UNC5B: variants seen among roughly 807,000 people sequenced by gnomAD.
The protein encoded by UNC5B is unc-5 netrin receptor B.
A neutral mutation model predicts 103.7 loss-of-function variants in UNC5B; 56 were observed. The ratio of observed to expected loss-of-function variants is 0.54; its 90% CI spans 0.44 to 0.67. The LOEUF is 0.67. Ranked by LOEUF, UNC5B falls within the 30% of genes least tolerant of loss-of-function variation. The pLI, the probability that UNC5B is intolerant of heterozygous loss-of-function variation, is 0.00. For synonymous variants in UNC5B, 577 were observed against 542.0 expected, an observed-to-expected ratio of 1.06 and a Z score of -0.90; for missense variants, 1,194 against 1,284.5, an observed-to-expected ratio of 0.93 and a Z score of 1.08.
Position 71,251,342 on chromosome 10 carries a change from G to A in UNC5B, c.80-28479G>A, listed in dbSNP as rs574123342. Among the ~76,000 whole-genome samples, 8 of 152,186 alleles carry A rather than the reference G, an allele frequency of 5.3e-5. No individual in the cohort carries two copies. In the South Asian group the frequency reaches 6.2e-4, roughly 12 times the overall value. Reference sequence around the variant, plus strand: ...CTGTAGTCTTTGTATGTCTTCATGCGGTTTTTAAACTTTTAAACTTTCACC... The same window carrying A: ...CTGTAGTCTTTGTATGTCTTCATGCAGTTTTTAAACTTTTAAACTTTCACC... On this transcript the variant is annotated intron_variant, in intron 1 of 16. Transcript: ENST00000335350.
intron 1 of UNC5B, among the ~76,000 whole-genome samples, chr10:71,272,761 C>T (rs904944340): frequency 9.2e-5 from 14 of 152,178 alleles, no homozygotes; most frequent in African/African-American, 2.7e-4. Flanking sequence ...GTCTGGTCTA[C>T]GTGGGCTCAG....
At chr10:71,216,593 G>T (rs1843333964) in intron 1 of UNC5B, among the ~76,000 whole-genome samples, 2 of 152,160 alleles carry the variant, frequency 1.3e-5, no homozygotes, top group South Asian at 4.1e-4. Flanking sequence ...CCCATTTGTA[G>T]AGTTGGGGAC....
intron 1 of UNC5B, among the ~76,000 whole-genome samples, chr10:71,231,646 G>GTCT: frequency 6.6e-6 from 1 of 152,062 alleles, no homozygotes; most frequent in East Asian, 1.9e-4. Context: ...AAAATCTTAA[G>GTCT]AGTTTTTTTT....
chr10:71,214,380 G>A lies in UNC5B; in HGVS notation c.79+1316G>A, dbSNP rs906266098. ...TCTGGTGCAAGTCCTGTGCAGTAGA[G>A]TTACAACACTCAACCATTTGATCCA... On this transcript the variant is annotated intron_variant, in intron 1 of 16. Transcript: ENST00000335350. Among the ~76,000 whole-genome samples the A allele has an allele frequency of 5.3e-5, 8 of 151,454 alleles. 1 individual carries two copies. The highest frequency in any genetic ancestry group is 1.9e-4 in the African/African-American group (8 of 41,106).
chr10:71,291,203 TCCCA>T, intron 9 of UNC5B, 94 bp downstream of exon 9: 2 of 1,458,568 alleles, frequency 1.4e-6, no homozygotes, highest in Non-Finnish European at 1.9e-6. Context: ...CCTGACTCCC[TCCCA>T]GGGTTTTTCC....
chr10:71,258,626 A>G (rs553060725), intron 1 of UNC5B, among the ~76,000 whole-genome samples: 50 of 152,318 alleles, frequency 3.3e-4, no homozygotes, highest in African/African-American at 1.2e-3. Context: ...AGGAAGGTCC[A>G]GAGAGGGGAA....
chr10:71,226,225 C>T (rs568951158), intron 1 of UNC5B, among the ~76,000 whole-genome samples: 11 of 152,294 alleles, frequency 7.2e-5, no homozygotes, highest in African/African-American at 2.4e-4. Flanking sequence ...CAGGCGCCCG[C>T]CACCACACTC....
chr10:71,243,361 G>A (rs1455056528), intron 1 of UNC5B, among the ~76,000 whole-genome samples: 5 of 152,208 alleles, frequency 3.3e-5, no homozygotes, highest in Admixed American at 2.0e-4. Context: ...GCAGCACTGT[G>A]CAGTGAAACT....
intron 1 of UNC5B, among the ~76,000 whole-genome samples, chr10:71,264,886 C>G (rs936088702): frequency 2.7e-5 from 4 of 150,706 alleles, no homozygotes; most frequent in African/African-American, 9.8e-5. Flanking sequence ...GTAATCCCAG[C>G]ACTTTGGGAA....
chr10:71,297,008 C>T (rs1488076692), intron 15 of UNC5B, among the ~76,000 whole-genome samples: 2 of 141,576 alleles, frequency 1.4e-5, no homozygotes, highest in Non-Finnish European at 3.2e-5. Flanking sequence ...GAAGGGCGGC[C>T]AGATATTCCG....
At chr10:71,297,143 C>A (rs2132317873) in intron 15 of UNC5B, among the ~76,000 whole-genome samples, 1 of 152,194 alleles carries the variant, frequency 6.6e-6, no homozygotes, top group South Asian at 2.1e-4. Flanking sequence ...GCACACAGAA[C>A]CCTGTAGTTC....
chr10:71,240,732 G>C (rs1197749373), intron 1 of UNC5B, among the ~76,000 whole-genome samples: 1 of 152,248 alleles, frequency 6.6e-6, no homozygotes, highest in African/African-American at 2.4e-5. Flanking sequence ...GAGGATGGGG[G>C]CAGGAACAGC....
chr10:71,287,836 G>A (rs7074280), intron 6 of UNC5B, 71 bp downstream of exon 6: 1,527,037 of 1,549,988 alleles, frequency 0.99, 752,288 homozygotes, highest in East Asian at 1. Context: ...TGCCAGAGCC[G>A]GGACAGCCAT....
At chr10:71,281,594 C>G (rs1844930351) in intron 2 of UNC5B, among the ~76,000 whole-genome samples, 1 of 152,230 alleles carries the variant, frequency 6.6e-6, no homozygotes, top group African/African-American at 2.4e-5. Flanking sequence ...CCGGCCTTGG[C>G]CTCCCAAAGT....
At chr10:71,280,597 C>T (rs1313454240) in intron 2 of UNC5B, among the ~76,000 whole-genome samples, 9 of 152,072 alleles carry the variant, frequency 5.9e-5, no homozygotes, top group Admixed American at 3.3e-4. Flanking sequence ...AAGAGGAGAG[C>T]AGCTGAAACT....
At chr10:71,280,617 G>T (rs147786949) in intron 2 of UNC5B, among the ~76,000 whole-genome samples, 21 of 152,294 alleles carry the variant, frequency 1.4e-4, no homozygotes, top group African/African-American at 5.1e-4. Context: ...TGGGAAACTC[G>T]AGGAAGCCTG....
intron 1 of UNC5B, among the ~76,000 whole-genome samples, chr10:71,274,840 G>A (rs1054198882): frequency 6.6e-6 from 1 of 152,130 alleles, no homozygotes; most frequent in African/African-American, 2.4e-5. Flanking sequence ...TATAGCAATG[G>A]CAAGGAAAGT....
At chr10:71,226,135 C>T (rs989042060) in intron 1 of UNC5B, among the ~76,000 whole-genome samples, 2 of 152,250 alleles carry the variant, frequency 1.3e-5, no homozygotes, top group Middle Eastern at 6.8e-3. Context: ...AGTGCAGTGG[C>T]ACCATCTCGG....
intron 1 of UNC5B, among the ~76,000 whole-genome samples, chr10:71,270,247 G>C (rs916412377): frequency 6.6e-6 from 1 of 151,784 alleles, no homozygotes. Context: ...ATACTTGGGA[G>C]GCTGATGCAG....
Sources: allele counts gnomAD v4.1 joint callset (sites outside exome capture counted in the v4.1 genomes callset), GRCh38; gene constraint gnomAD v4.1.1; transcripts MANE v1.5; gene names NCBI Gene and HGNC (gene_info 2026-07-23, HGNC 2026-07-21).